CEP83: variants seen among roughly 807,000 people sequenced by gnomAD.
CEP83 encodes the protein centrosomal protein of 83 kDa.
A neutral mutation model predicts 101.9 loss-of-function variants in CEP83; 70 were observed. The ratio of observed to expected loss-of-function variants is 0.69; its 90% CI spans 0.57 to 0.84. The LOEUF is 0.84. CEP83 is among the 40% of genes least tolerant of loss of function. The pLI, the probability that CEP83 is intolerant of heterozygous loss-of-function variation, is 0.00. For synonymous variants in CEP83, 264 were observed against 267.9 expected (o/e 0.99, Z 0.14); for missense variants, 715 against 787.2 (o/e 0.91, Z 1.10).
At chr12:94,286,470 G>A in the CEP83 span, among the ~76,000 whole-genome samples, 1 of 151,966 alleles carries the variant, frequency 6.6e-6, no homozygotes, top group Admixed American at 6.5e-5. Context: ...TGACAGGGCT[G>A]GGCTGAAGTT....
At chr12:94,290,157 C>G in the CEP83 span, among the ~76,000 whole-genome samples, 3 of 152,196 alleles carry the variant, frequency 2.0e-5, no homozygotes, top group Non-Finnish European at 4.4e-5. Flanking sequence ...GGGATTCATT[C>G]TTTGACAATT....
intron 1 of CEP83, among the ~76,000 whole-genome samples, chr12:94,438,485 C>T (rs975761497): frequency 6.6e-6 from 1 of 152,134 alleles, no homozygotes; most frequent in African/African-American, 2.4e-5. Flanking sequence ...ATTAGTCCAA[C>T]AGGAAAATAT....
intron 6 of CEP83, among the ~76,000 whole-genome samples, chr12:94,386,658 G>C (rs1325592833): frequency 6.6e-6 from 1 of 152,002 alleles, no homozygotes; most frequent in Non-Finnish European, 1.5e-5. Flanking sequence ...TGAAAACTGT[G>C]GTTTCCTATT....
At chr12:94,393,292 T>G (rs2062676237) in intron 6 of CEP83, among the ~76,000 whole-genome samples, 1 of 152,214 alleles carries the variant, frequency 6.6e-6, no homozygotes, top group African/African-American at 2.4e-5. Flanking sequence ...CAAGCGGGCT[T>G]CATCCCTGGG....
chr12:94,388,778 G>A (rs1323966512), intron 6 of CEP83, among the ~76,000 whole-genome samples: 2 of 151,984 alleles, frequency 1.3e-5, no homozygotes, highest in Non-Finnish European at 2.9e-5. Context: ...TATTATTAAT[G>A]GAAAACAAAC....
intron 2 of CEP83, among the ~76,000 whole-genome samples, chr12:94,420,028 T>C (rs1166898338): frequency 6.6e-6 from 1 of 152,328 alleles, no homozygotes; most frequent in Non-Finnish European, 1.5e-5. Flanking sequence ...TCTTCTTTTA[T>C]AAAATATCCA....
At chr12:94,356,272 A>G (rs1181177945) in intron 11 of CEP83, among the ~76,000 whole-genome samples, 2 of 152,162 alleles carry the variant, frequency 1.3e-5, no homozygotes, top group Non-Finnish European at 2.9e-5. Flanking sequence ...ACTTTTTCAC[A>G]CTGATAACAA....
intron 6 of CEP83, among the ~76,000 whole-genome samples, chr12:94,399,600 G>A (rs1217814278): frequency 6.6e-6 from 1 of 152,142 alleles, no homozygotes; most frequent in Non-Finnish European, 1.5e-5. Flanking sequence ...AGGTGAGGTA[G>A]TACATGCCTG....
chr12:94,431,053 G>T (rs1461254456), intron 2 of CEP83, among the ~76,000 whole-genome samples: 1 of 152,148 alleles, frequency 6.6e-6, no homozygotes, highest in East Asian at 1.9e-4. Flanking sequence ...GATCAATTCA[G>T]CAAGAGGATA....
intron 11 of CEP83, among the ~76,000 whole-genome samples, chr12:94,360,184 A>T (rs756975261): frequency 2.0e-5 from 3 of 152,216 alleles, no homozygotes; most frequent in Admixed American, 2.0e-4. Context: ...GAACAAAAAA[A>T]CATTGAAAGC....
At chr12:94,328,902 A>C (rs1377876570) in intron 14 of CEP83, among the ~76,000 whole-genome samples, 14 of 152,198 alleles carry the variant, frequency 9.2e-5, no homozygotes, top group Non-Finnish European at 2.1e-4. Flanking sequence ...TAGGTTGCTA[A>C]CTTGTAAAAG....
chr12:94,348,199 A>C (rs977469782), intron 11 of CEP83, among the ~76,000 whole-genome samples: 3 of 152,036 alleles, frequency 2.0e-5, no homozygotes, highest in African/African-American at 7.2e-5. Flanking sequence ...ACAAAGGGGA[A>C]ATAAGCATTG....
intron 2 of CEP83, among the ~76,000 whole-genome samples, chr12:94,425,624 T>G (rs969562799): frequency 3.9e-5 from 6 of 152,182 alleles, no homozygotes; most frequent in African/African-American, 1.4e-4. Flanking sequence ...GTCCCTTTAA[T>G]TGTAGCCCTT....
chr12:94,317,289 C>T (rs1405921135), intron 14 of CEP83, among the ~76,000 whole-genome samples: 2 of 151,076 alleles, frequency 1.3e-5, no homozygotes, highest in African/African-American at 2.5e-5. Flanking sequence ...AATTTAAGTT[C>T]TTTATAGATG....
chr12:94,303,715 T>C, downstream of CEP83: 1 of 1,085,256 alleles, frequency 9.2e-7, no homozygotes, highest in Non-Finnish European at 1.2e-6. Flanking sequence ...TTTTTTTTAC[T>C]CTTTTGGTGA....
At chr12:94,360,191 A>C (rs2060681093) in intron 11 of CEP83, among the ~76,000 whole-genome samples, 1 of 151,982 alleles carries the variant, frequency 6.6e-6, no homozygotes, top group African/African-American at 2.4e-5. Flanking sequence ...AAAACATTGA[A>C]AGCTTTTCCC....
At chr12:94,297,876 TAA>T in the CEP83 span, among the ~76,000 whole-genome samples, 11 of 152,232 alleles carry the variant, frequency 7.2e-5, no homozygotes, top group Non-Finnish European at 1.5e-4. Flanking sequence ...TGCTCACACA[TAA>T]AAGTGTCAGA....
chr12:94,294,463 A>G, the CEP83 span: 131 of 1,110,842 alleles, frequency 1.2e-4, no homozygotes, highest in Middle Eastern at 1.0e-3. Context: ...GAACACTCAT[A>G]TATCTTTTAT....
intron 5 of CEP83, chr12:94,402,207 T>C (rs1023976107): frequency 5.3e-5 from 8 of 152,328 alleles, no homozygotes; most frequent in Admixed American, 3.3e-4. Context: ...TGAAGTGGCA[T>C]GAAACTCATT....
Sources: allele counts gnomAD v4.1 joint callset (sites outside exome capture counted in the v4.1 genomes callset), GRCh38; gene constraint gnomAD v4.1.1; transcripts MANE v1.5; gene names NCBI Gene and HGNC (gene_info 2026-07-23, HGNC 2026-07-21).